The following RBFOX1 variants were observed in gnomAD, a reference collection of about 807,000 sequenced individuals.
RBFOX1 encodes the protein RNA binding fox-1 homolog 1.
RBFOX1 carries 8 observed loss-of-function variants against 57.7 expected under a neutral mutation model. The observed-to-expected ratio is 0.14, with a 90% CI of 0.08 to 0.25. RBFOX1 has a LOEUF of 0.25. Among genes scored for constraint, RBFOX1 ranks in the 10% least tolerant of loss-of-function variants. RBFOX1 has a pLI of 1.00. For missense variants in RBFOX1, 611 were observed against 548.5 expected (o/e 1.11, Z -1.14); for synonymous variants, 326 against 222.4 (o/e 1.47, Z -4.15).
chr16:7,113,117 C>T (rs1267381920), intron 4 of RBFOX1, among the ~76,000 whole-genome samples: 1 of 152,072 alleles, frequency 6.6e-6, no homozygotes, highest in Non-Finnish European at 1.5e-5. Flanking sequence ...ACGGTCAATT[C>T]AAGTTTGAGA....
intron 2 of RBFOX1, among the ~76,000 whole-genome samples, chr16:6,319,448 C>A (rs768669684): frequency 3.3e-5 from 5 of 152,038 alleles, no homozygotes; most frequent in Admixed American, 6.5e-5. Context: ...TAATGATGGT[C>A]GAACAGGTAC....
intron 2 of RBFOX1, among the ~76,000 whole-genome samples, chr16:6,602,556 G>C (rs1170636927): frequency 6.6e-6 from 1 of 152,116 alleles, no homozygotes; most frequent in South Asian, 2.1e-4. Flanking sequence ...GCCACCTGCA[G>C]GACAGGGTTG....
intron 3 of RBFOX1, among the ~76,000 whole-genome samples, chr16:5,697,347 C>T (rs1170545794): frequency 6.6e-6 from 1 of 151,068 alleles, no homozygotes; most frequent in East Asian, 1.9e-4. Flanking sequence ...TTTATAGATA[C>T]ATAAAACTCA....
At chr16:5,855,959 T>C (rs1317383886) in intron 3 of RBFOX1, among the ~76,000 whole-genome samples, 1 of 148,022 alleles carries the variant, frequency 6.8e-6, no homozygotes, top group African/African-American at 2.5e-5. Flanking sequence ...GTTAAGTTTA[T>C]TCCTATGTAT....
intron 1 of RBFOX1, among the ~76,000 whole-genome samples, chr16:6,249,872 C>A (rs1014782281): frequency 6.6e-6 from 1 of 151,588 alleles, no homozygotes; most frequent in East Asian, 1.9e-4. Context: ...TGTGCTGCAC[C>A]CAGTAACTCG....
intron 1 of RBFOX1, among the ~76,000 whole-genome samples, chr16:6,065,575 G>A (rs974820266): frequency 6.6e-6 from 1 of 152,124 alleles, no homozygotes; most frequent in African/African-American, 2.4e-5. Flanking sequence ...ATCACTGGGG[G>A]TTTCTTAGCA....
At chr16:7,128,208 A>T (rs1159722654) in intron 4 of RBFOX1, among the ~76,000 whole-genome samples, 1 of 152,194 alleles carries the variant, frequency 6.6e-6, no homozygotes, top group Non-Finnish European at 1.5e-5. Flanking sequence ...AAAGAATAAT[A>T]GCATGTATTA....
chr16:6,884,394 A>G (rs1016814585), intron 3 of RBFOX1, among the ~76,000 whole-genome samples: 12 of 152,200 alleles, frequency 7.9e-5, no homozygotes, highest in Non-Finnish European at 1.6e-4. Flanking sequence ...CAATGCAAGC[A>G]ACCACTTGTC....
chr16:7,004,593 A>T (rs75169220), intron 3 of RBFOX1, among the ~76,000 whole-genome samples: 2,458 of 152,322 alleles, frequency 0.016, 70 homozygotes, highest in African/African-American at 0.055. Context: ...ATGAATTTCT[A>T]TTTAATGGCT....
intron 4 of RBFOX1, among the ~76,000 whole-genome samples, chr16:7,308,168 C>A (rs1175035837): frequency 6.6e-6 from 1 of 152,092 alleles, no homozygotes; most frequent in East Asian, 1.9e-4. Flanking sequence ...TGGTTTATTT[C>A]TATTGTAAGT....
chr16:6,882,622 A>G (rs1397319515), intron 3 of RBFOX1, among the ~76,000 whole-genome samples: 2 of 152,004 alleles, frequency 1.3e-5, no homozygotes, highest in African/African-American at 2.4e-5. Context: ...AATAAATAAG[A>G]TCATGTTTGC....
intron 3 of RBFOX1, among the ~76,000 whole-genome samples, chr16:6,839,315 A>C (rs72766802): frequency 0.067 from 10,240 of 152,150 alleles, 507 homozygotes; most frequent in Non-Finnish European, 0.11. Context: ...CCTCAGTCTG[A>C]AAACGATAAC....
intron 4 of RBFOX1, among the ~76,000 whole-genome samples, chr16:7,139,776 C>T (rs917958980): frequency 6.6e-6 from 1 of 151,500 alleles, no homozygotes; most frequent in African/African-American, 2.4e-5. Flanking sequence ...TTTTTAAGTT[C>T]ATCGGTGAGC....
chr16:5,435,272 G>A (rs2067881472), intron 1 of RBFOX1, among the ~76,000 whole-genome samples: 2 of 152,150 alleles, frequency 1.3e-5, no homozygotes, highest in Admixed American at 6.5e-5. Flanking sequence ...GCAAACAGCT[G>A]GTGTGGGTTT....
intron 4 of RBFOX1, among the ~76,000 whole-genome samples, chr16:5,955,118 T>TAAA (rs34488881): frequency 4.9e-4 from 7 of 14,290 alleles, no homozygotes; most frequent in South Asian, 9.3e-3. Context: ...CCATCTCTAC[T>TAAA]AAAAAAAAAA....
chr16:6,488,368 G>A (rs1201550966), intron 2 of RBFOX1, among the ~76,000 whole-genome samples: 1 of 152,100 alleles, frequency 6.6e-6, no homozygotes, highest in African/African-American at 2.4e-5. Context: ...ATGAGGATGA[G>A]GATGTGATAA....
At chr16:6,293,740 C>G (rs184479669) in intron 1 of RBFOX1, among the ~76,000 whole-genome samples, 77 of 133,656 alleles carry the variant, frequency 5.8e-4, no homozygotes, top group African/African-American at 2.1e-3. Context: ...GGTACTTGAT[C>G]TGAACTTTGA....
chr16:6,324,759 C>T (rs964860582), intron 2 of RBFOX1, among the ~76,000 whole-genome samples: 17 of 152,124 alleles, frequency 1.1e-4, no homozygotes, highest in African/African-American at 3.9e-4. Context: ...ACTAGGGCCC[C>T]ATCTAACTTC....
At chr16:6,690,549 A>G (rs1160254613) in intron 3 of RBFOX1, among the ~76,000 whole-genome samples, 1 of 75,282 alleles carries the variant, frequency 1.3e-5, no homozygotes, top group Non-Finnish European at 2.6e-5. Flanking sequence ...CTCAAAGATC[A>G]TCGTTTCAAA....
Sources: allele counts gnomAD v4.1 joint callset (sites outside exome capture counted in the v4.1 genomes callset), GRCh38; gene constraint gnomAD v4.1.1; transcripts MANE v1.5; gene names NCBI Gene and HGNC (gene_info 2026-07-23, HGNC 2026-07-21).